The following ADGRL4 variants were observed in gnomAD, a reference collection of about 807,000 sequenced individuals.
ADGRL4 encodes EGF, latrophilin and seven transmembrane domain containing 1.
Under a neutral mutation model 74.8 loss-of-function variants are expected in ADGRL4, and 90 were observed. The observed-to-expected ratio is 1.20, with a 90% CI of 1.02 to 1.43. ADGRL4 has a LOEUF of 1.43. ADGRL4 is among the 40% of genes most tolerant of loss of function. The pLI is 0.00. For synonymous variants in ADGRL4, 311 were observed against 279.2 expected, an observed-to-expected ratio of 1.11 and a Z score of -1.14; for missense variants, 881 against 814.3, an observed-to-expected ratio of 1.08 and a Z score of -1.00.
At chr1:78,909,355 G>T (rs1240905321) in intron 12 of ADGRL4, among the ~76,000 whole-genome samples, 1 of 151,900 alleles carries the variant, frequency 6.6e-6, no homozygotes, top group Non-Finnish European at 1.5e-5. Context: ...TAACATCCAT[G>T]TCTAGGCTAG....
chr1:78,894,938 T>C (rs1442401736), intron 12 of ADGRL4, among the ~76,000 whole-genome samples: 1 of 151,958 alleles, frequency 6.6e-6, no homozygotes, highest in Admixed American at 6.6e-5. Context: ...CTGCTAATGG[T>C]TTCTCAGAAG....
intron 12 of ADGRL4, among the ~76,000 whole-genome samples, chr1:78,895,409 T>G (rs893715991): frequency 7.9e-5 from 12 of 152,022 alleles, no homozygotes; most frequent in African/African-American, 2.9e-4. Flanking sequence ...GAGAAACAGA[T>G]AGTAAACAAA....
In ADGRL4 at chr1:79,003,915, A is replaced by G. The variant is rs547037729; in HGVS notation, c.172+1155T>C. On this transcript the variant is annotated intron_variant, in intron 2 of 14. Transcript: ENST00000370742. ...TTTTGTAATTCTTGTAAAATAGTAT[A>G]TTACAAATTCTGGCTGTTTATACAA... Among the ~76,000 whole-genome samples the G allele has an allele frequency of 3.1e-4, 47 of 152,078 alleles. No homozygotes were observed. In the South Asian group the frequency reaches 9.1e-3, roughly 30 times the overall value.
intron 12 of ADGRL4, among the ~76,000 whole-genome samples, chr1:78,908,987 A>G (rs976329541): frequency 2.0e-5 from 3 of 151,860 alleles, no homozygotes; most frequent in Non-Finnish European, 4.4e-5. Flanking sequence ...CTTATTTTGA[A>G]TTCCAGCTAT....
In ADGRL4 at chr1:78,921,691, G is replaced by A. The variant is rs777216650; in HGVS notation, c.1179C>T (p.Tyr393=). 1 of 1,603,902 alleles carries A rather than the reference G, an allele frequency of 6.2e-7. No homozygotes were observed. The highest frequency in any genetic ancestry group is 8.5e-7 in the Non-Finnish European group (1 of 1,175,152). ...GGCATGAGGTGTGGGTCTCATTTGA[G>A]TATGTCAGCTCACAGCCCTCTGAAG... ...SWSSEGCELT[Y]SNETHTSCRC... The change falls in exon 9 of 15, where the codon TAC becomes TAT. Residue 393 remains tyrosine, a synonymous_variant. Coordinates refer to ENST00000370742, the MANE Select transcript of ADGRL4 (RefSeq NM_022159.4).
chr1:78,961,220 C>T (rs1321992719), intron 2 of ADGRL4, among the ~76,000 whole-genome samples: 2 of 151,640 alleles, frequency 1.3e-5, no homozygotes, highest in African/African-American at 2.4e-5. Context: ...TAGCTGGGTG[C>T]CAACCTCTGA....
intron 12 of ADGRL4, among the ~76,000 whole-genome samples, chr1:78,894,390 T>G (rs1648350069): frequency 6.6e-6 from 1 of 151,904 alleles, no homozygotes; most frequent in African/African-American, 2.4e-5. Context: ...TACTTCTAAT[T>G]ATATGAGTAA....
Position 79,005,183 on chromosome 1 carries a change from T to A in ADGRL4, c.59A>T (p.Gln20Leu). Residue 20 changes from glutamine to leucine, a missense_variant, in exon 2 of 15, where the codon CAA becomes CTA. Physicochemically the swap from Gln to Leu is moderately radical, Grantham distance 113 (BLOSUM62 -2). Coordinates refer to ENST00000370742, the MANE Select transcript of ADGRL4 (RefSeq NM_022159.4). ...GAGACAAGGTGTCTTGGTGCAATTT[T>A]GAGTATAGGAACAATTCAACAAAGT... is the stretch of plus-strand genomic sequence containing the variant. ...FSTLLNCSYT[Q>L]NCTKTPCLPN... 1 of 1,613,592 alleles carries A rather than the reference T, an allele frequency of 6.2e-7. No individual in the cohort carries two copies.
chr1:79,005,252 A>G, intron 1 of ADGRL4, 33 bp from the exon 2 acceptor site: 2 of 1,512,722 alleles, frequency 1.3e-6, no homozygotes, highest in Non-Finnish European at 1.8e-6. Flanking sequence ...CCTTTTCAAA[A>G]AGTAAAACAA....
intron 1 of ADGRL4, 133 bp from the exon 2 acceptor site, chr1:79,005,352 G>T: frequency 1.4e-6 from 1 of 724,664 alleles, no homozygotes; most frequent in Non-Finnish European, 2.0e-6. Flanking sequence ...TTTTTCCCAA[G>T]AGAGCACTTA....
At chr1:78,946,589 T>A (rs1649606225) in intron 2 of ADGRL4, among the ~76,000 whole-genome samples, 163 bp from the exon 3 acceptor site, 1 of 152,210 alleles carries the variant, frequency 6.6e-6, no homozygotes, top group Admixed American at 6.5e-5. Flanking sequence ...CACTTCCTTA[T>A]TCTTGTTTAT....
chr1:78,948,427 A>C, intron 2 of ADGRL4, among the ~76,000 whole-genome samples: 1 of 152,246 alleles, frequency 6.6e-6, no homozygotes, highest in South Asian at 2.1e-4. Context: ...AAATTTAAAA[A>C]ATTTTAAAAG....
chr1:78,995,659 A>T (rs1417921297), intron 2 of ADGRL4, among the ~76,000 whole-genome samples: 1 of 152,228 alleles, frequency 6.6e-6, no homozygotes, highest in Non-Finnish European at 1.5e-5. Context: ...TATTTGCCCA[A>T]GAATTAGTTG....
At chr1:78,925,506 AT>A (rs1422366378) in intron 8 of ADGRL4, among the ~76,000 whole-genome samples, 2 of 152,014 alleles carry the variant, frequency 1.3e-5, no homozygotes, top group African/African-American at 2.4e-5. Context: ...CAGATAAATT[AT>A]CAGGGAATCA....
chr1:78,976,754 A>G (rs552469919), intron 2 of ADGRL4, among the ~76,000 whole-genome samples: 3 of 151,524 alleles, frequency 2.0e-5, no homozygotes, highest in East Asian at 3.9e-4. Flanking sequence ...GAACAGCACT[A>G]TATTTTTTAA....
In ADGRL4 at chr1:78,889,924, C is replaced by A; in HGVS notation, c.*1230G>T. 2 of 386,246 alleles carry A rather than the reference C, an allele frequency of 5.2e-6. No individual in the cohort carries two copies. Among genetic ancestry groups the A allele is most frequent in the South Asian group, 4.1e-5 (2 of 49,178 alleles). The allele number at this position is 386,246 out of a possible 1,614,324, so 23.9% of individuals were successfully genotyped here. On this transcript the variant is annotated 3_prime_UTR_variant, in exon 15 of 15. Coordinates refer to ENST00000370742, the MANE Select transcript of ADGRL4 (RefSeq NM_022159.4). Reference sequence around the variant, plus strand: ...TTTGAGATCAAAATCACTGCTTATACATTTTAATGAGAAGATTTAAAGACA... The same window carrying A: ...TTTGAGATCAAAATCACTGCTTATAAATTTTAATGAGAAGATTTAAAGACA...
At chr1:78,994,658 G>C (rs1264753349) in intron 2 of ADGRL4, among the ~76,000 whole-genome samples, 1 of 152,128 alleles carries the variant, frequency 6.6e-6, no homozygotes, top group Non-Finnish European at 1.5e-5. Context: ...AATTATTACT[G>C]ACAGATAAAA....
chr1:78,994,490 A>G (rs1365890752), intron 2 of ADGRL4, among the ~76,000 whole-genome samples: 1 of 152,222 alleles, frequency 6.6e-6, no homozygotes, highest in Admixed American at 6.5e-5. Context: ...ACAATAAAAA[A>G]TAAGAACTAG....
chr1:78,891,625 GGA>G lies in ADGRL4; in HGVS notation c.1907_1908del (p.Leu636ProfsTer33), dbSNP rs1170189858. 6.2e-7 allele frequency: 1 copy of G among 1,613,288 alleles called. No homozygotes were observed. The highest frequency in any genetic ancestry group is 1.7e-5 in the Admixed American group (1 of 59,896). On this transcript the variant is annotated frameshift_variant, in exon 14 of 15. Coordinates refer to ENST00000370742, the MANE Select transcript of ADGRL4 (RefSeq NM_022159.4). LOFTEE classifies it high-confidence loss of function. ...GTAACCACTGATGCGTGCACAACAT[GGA>G]GAACCCCAAAGATCCAGGTGGTGCC... The part of the protein sequence containing the change: ...LLGTTWIFGV[L>X]HVVHASVVTA...
Sources: gnomAD v4.1 joint callset for allele counts (sites outside exome capture counted in the v4.1 genomes callset) on GRCh38, gnomAD v4.1.1 for gene constraint, MANE v1.5 for transcripts, NCBI Gene and HGNC (gene_info 2026-07-23, HGNC 2026-07-21) for gene names.